MIX23: variants seen among roughly 807,000 people sequenced by gnomAD.
MIX23 encodes protein MIX23.
In MIX23, 13 loss-of-function variants were observed where a neutral mutation model predicts 21.6. The ratio of observed to expected loss-of-function variants is 0.60; its 90% CI spans 0.39 to 0.96. The LOEUF (loss-of-function observed/expected upper bound fraction) is 0.96. Among genes scored for constraint, MIX23 ranks in the 40% least tolerant of loss-of-function variants. The probability of loss-of-function intolerance (pLI) is 0.00; values close to 1 mark genes in which losing one functional copy is unlikely to be tolerated. For missense variants in MIX23, 144 were observed against 171.2 expected (o/e 0.84, Z 0.89); for synonymous variants, 59 against 58.0 (o/e 1.02, Z -0.08).
chr3:122,373,974 A>G (rs1041127299), intron 1 of MIX23, among the ~76,000 whole-genome samples: 3 of 152,034 alleles, frequency 2.0e-5, no homozygotes, highest in Admixed American at 6.6e-5. Context: ...AGTGAAGGAT[A>G]TATGTATTGT....
Position 122,368,175 on chromosome 3 carries a change from C to A in MIX23, c.324+1G>T. 1 of 1,609,946 alleles carries A rather than the reference C, an allele frequency of 6.2e-7. No individual in the cohort carries two copies. The highest frequency in any genetic ancestry group is 8.5e-7 in the Non-Finnish European group (1 of 1,179,412). The stretch of plus-strand genomic sequence containing the variant: ...AGAAATGTTAATTCTGTTCAACTTA[C>A]CTTTGTCTGCTCTTTTCTAAGTTGT... On this transcript the variant is annotated splice_donor_variant, in intron 3 of 4. Transcript: ENST00000291458. LOFTEE classifies it high-confidence loss of function.
intron 3 of MIX23, among the ~76,000 whole-genome samples, chr3:122,367,422 TA>T (rs2075405170): frequency 1.3e-5 from 2 of 152,212 alleles, no homozygotes; most frequent in African/African-American, 4.8e-5. Flanking sequence ...ACAAGTGCTG[TA>T]AAGAAACAGT....
chr3:122,378,758 ACT>A (rs2075508054), intron 1 of MIX23, among the ~76,000 whole-genome samples: 2 of 152,214 alleles, frequency 1.3e-5, no homozygotes, highest in African/African-American at 4.8e-5. Context: ...GTGGAGCATG[ACT>A]CTGTATCAAT....
chr3:122,372,667 A>C (rs1349187576), intron 1 of MIX23, among the ~76,000 whole-genome samples: 1 of 152,100 alleles, frequency 6.6e-6, no homozygotes, highest in Non-Finnish European at 1.5e-5. Context: ...CTCTACAAAA[A>C]AAAAATTTTT....
rs1196531264 is a variant in MIX23 at position 122,383,111 on chromosome 3, C to T, written c.51+63G>A. 10 of 1,573,060 alleles carry T rather than the reference C, an allele frequency of 6.4e-6. No homozygotes were observed. The South Asian group carries it at 6.6e-5, about 10-fold the overall frequency. ...AGCTGGTTCATACTCCCTCGCAAAGCAGGGAATAGGGTCTGGGGACAAAAG... is the reference window on the plus strand; with the variant it reads ...AGCTGGTTCATACTCCCTCGCAAAGTAGGGAATAGGGTCTGGGGACAAAAG... On this transcript the variant is annotated intron_variant, in intron 1 of 4. Coordinates refer to ENST00000291458, the MANE Select transcript of MIX23 (RefSeq NM_001017928.4).
chr3:122,378,158 C>T (rs1158292970), intron 1 of MIX23, among the ~76,000 whole-genome samples: 10 of 152,192 alleles, frequency 6.6e-5, no homozygotes, highest in Admixed American at 2.0e-4. Flanking sequence ...TGCAGAGGAA[C>T]TAGAGTAGGT....
rs750808758 is a variant in MIX23, at chr3:122,371,661, A to G, written c.177+14T>C. 2 of 1,611,176 alleles carry G rather than the reference A, an allele frequency of 1.2e-6. No individual in the cohort carries two copies. Among genetic ancestry groups the G allele is most frequent in the Middle Eastern group, 2.2e-4 (1 of 4,454 alleles). On this transcript the variant is annotated intron_variant, in intron 2 of 4. Transcript: ENST00000291458. ...AGGCATGAAAGAAGCAAAAGACTCAAAAAATACACTTACAGACTCATAAAG... is the reference window on the plus strand; with the variant it reads ...AGGCATGAAAGAAGCAAAAGACTCAGAAAATACACTTACAGACTCATAAAG...
chr3:122,381,880 C>A (rs1162737397), intron 1 of MIX23, among the ~76,000 whole-genome samples: 1 of 152,136 alleles, frequency 6.6e-6, no homozygotes, highest in Non-Finnish European at 1.5e-5. Context: ...ATAACTAATT[C>A]TGATGGCACT....
intron 3 of MIX23, among the ~76,000 whole-genome samples, chr3:122,364,852 C>T (rs149359796): frequency 5.9e-5 from 9 of 152,070 alleles, no homozygotes; most frequent in Non-Finnish European, 8.8e-5. Flanking sequence ...CACATGCCCC[C>T]CAGAAATAAG....
rs184328676 is a variant in MIX23 at position 122,365,916 on chromosome 3, C to T, written c.324+2260G>A. Among the ~76,000 whole-genome samples, 17 of 152,202 alleles carry T rather than the reference C, an allele frequency of 1.1e-4. No individual in the cohort carries two copies. In the East Asian group the frequency reaches 3.3e-3, roughly 29 times the overall value. On this transcript the variant is annotated intron_variant, in intron 3 of 4. Transcript: ENST00000291458. ...GCCGGCTGGACACGGTGGCTCATGC[C>T]TGTAATCCCAGCACTTTGGGAAGCT...
At position 122,382,825 on chromosome 3, in the gene MIX23, A is replaced by C. The variant is rs1366026828; in HGVS notation, c.51+349T>G. On this transcript the variant is annotated intron_variant, in intron 1 of 4. Transcript: ENST00000291458. ...CTCCCACAAAAACTCTACTTACAAA[A>C]GTAGGAGAGGAATGGCAGAAGCTGG... 2.0e-5 allele frequency among the ~76,000 whole-genome samples: 3 copies of C among 152,340 alleles called. No individual in the cohort carries two copies. In the East Asian group the frequency reaches 5.8e-4, roughly 29 times the overall value.
At chr3:122,371,009 A>G (rs1365810291) in intron 2 of MIX23, among the ~76,000 whole-genome samples, 1 of 152,252 alleles carries the variant, frequency 6.6e-6, no homozygotes, top group Non-Finnish European at 1.5e-5. Flanking sequence ...ACCTTGTGGT[A>G]GAGCTTAAAA....
intron 1 of MIX23, among the ~76,000 whole-genome samples, chr3:122,379,389 G>A (rs549243595): frequency 6.6e-6 from 1 of 152,114 alleles, no homozygotes; most frequent in Non-Finnish European, 1.5e-5. Context: ...ACTGTAAACC[G>A]TCTCACCAGG....
chr3:122,371,833 A>C, intron 1 of MIX23, 33 bp from the exon 2 acceptor site: 1 of 1,522,174 alleles, frequency 6.6e-7, no homozygotes, highest in Non-Finnish European at 9.0e-7. Context: ...AATATAACCC[A>C]AATGGAAAGT....
At chr3:122,360,052 A>T in intron 4 of MIX23, 133 bp from the exon 5 acceptor site, 1 of 885,844 alleles carries the variant, frequency 1.1e-6, no homozygotes. Context: ...AGGAAACAGA[A>T]GAGTTTCCTC....
intron 1 of MIX23, among the ~76,000 whole-genome samples, chr3:122,381,175 TC>T (rs1477359102): frequency 5.9e-5 from 9 of 152,180 alleles, no homozygotes; most frequent in South Asian, 2.1e-4. Flanking sequence ...TATTCTTTTT[TC>T]TTCCCAATAT....
chr3:122,371,753 T>C lies in MIX23; in HGVS notation c.99A>G (p.Glu33=), dbSNP rs1431432300. ...AAGCTGTTGGAACCGTAGTGTTTAA[T>C]TCATGTACTATTCTGTCATCAATTG... The part of the protein sequence containing the change: ...MRTIDDRIVH[E]LNTTVPTASF... Residue 33 remains glutamate (E), a synonymous_variant, in exon 2 of 5, where the codon GAA becomes GAG. Coordinates refer to ENST00000291458, the MANE Select transcript of MIX23 (RefSeq NM_001017928.4). The C allele has an allele frequency of 1.2e-6, 2 of 1,610,298 alleles. No homozygotes were observed. Among genetic ancestry groups the C allele is most frequent in the Non-Finnish European group, 1.7e-6 (2 of 1,176,930 alleles).
chr3:122,380,656 T>G (rs1408568322), intron 1 of MIX23, among the ~76,000 whole-genome samples: 1 of 152,182 alleles, frequency 6.6e-6, no homozygotes, highest in Non-Finnish European at 1.5e-5. Flanking sequence ...GATTGGATTT[T>G]AAAAGGTCTT....
intron 1 of MIX23, among the ~76,000 whole-genome samples, chr3:122,376,310 C>T (rs1341574549): frequency 2.6e-5 from 4 of 151,308 alleles, no homozygotes; most frequent in Non-Finnish European, 1.5e-5. Context: ...TATAGAATAC[C>T]ATGCAGCCAC....
Sources: allele counts gnomAD v4.1 joint callset (sites outside exome capture counted in the v4.1 genomes callset), GRCh38; gene constraint gnomAD v4.1.1; transcripts MANE v1.5; gene names NCBI Gene and HGNC (gene_info 2026-07-23, HGNC 2026-07-21).